XKR9: variants seen among roughly 807,000 people sequenced by gnomAD.
XKR9 encodes the protein XK-related protein 9.
XKR9 carries 32 observed loss-of-function variants against 32.0 expected under a neutral mutation model. That is an observed-to-expected ratio of 1.00 (90% confidence interval 0.76 to 1.34). The LOEUF (loss-of-function observed/expected upper bound fraction) is 1.34. XKR9 is among the 40% of genes most tolerant of loss of function. XKR9 has a pLI of 0.00. For synonymous variants in XKR9, 168 were observed against 143.4 expected (o/e 1.17, Z -1.22); for missense variants, 546 against 429.7 (o/e 1.27, Z -2.39).
chr8:70,777,461 G>C (rs1586894477), intron 2 of XKR9, among the ~76,000 whole-genome samples: 1 of 151,994 alleles, frequency 6.6e-6, no homozygotes. Flanking sequence ...TAATCCTTTG[G>C]GTATATACCC....
chr8:70,830,344 G>T, the XKR9 span, among the ~76,000 whole-genome samples: 1 of 151,906 alleles, frequency 6.6e-6, no homozygotes, highest in African/African-American at 2.4e-5. Flanking sequence ...ATTTTGAGAA[G>T]CCAAGGTGGG....
chr8:70,683,456 T>G (rs747970478), intron 3 of XKR9: 2 of 430,956 alleles, frequency 4.6e-6, no homozygotes, highest in Non-Finnish European at 9.1e-6. Context: ...TTTTTATTTC[T>G]TCTTGAATCT....
At chr8:71,065,438 T>A in the XKR9 span, among the ~76,000 whole-genome samples, 1 of 152,190 alleles carries the variant, frequency 6.6e-6, no homozygotes, top group Admixed American at 6.5e-5. Flanking sequence ...TGGACCGTGC[T>A]TACATCCTGA....
At chr8:70,999,833 G>A in the XKR9 span, among the ~76,000 whole-genome samples, 7 of 152,030 alleles carry the variant, frequency 4.6e-5, no homozygotes, top group South Asian at 1.0e-3. Context: ...AATAGCCACG[G>A]CATTTATTTA....
At chr8:70,778,752 C>G (rs969152231) in intron 2 of XKR9, among the ~76,000 whole-genome samples, 2 of 152,046 alleles carry the variant, frequency 1.3e-5, no homozygotes, top group African/African-American at 4.8e-5. Flanking sequence ...CTCTGTTTGT[C>G]TGTTATTGGT....
the XKR9 span, among the ~76,000 whole-genome samples, chr8:70,802,202 C>G: frequency 6.6e-6 from 1 of 152,192 alleles, no homozygotes; most frequent in African/African-American, 2.4e-5. Flanking sequence ...TCCCAAAGTG[C>G]TGGGATTACA....
chr8:70,754,813 G>A (rs1052183489), intron 2 of XKR9, among the ~76,000 whole-genome samples: 19 of 151,898 alleles, frequency 1.3e-4, no homozygotes, highest in Non-Finnish European at 2.2e-4. Flanking sequence ...AAAAACCCTA[G>A]AAGAAAACCT....
the XKR9 span, among the ~76,000 whole-genome samples, chr8:71,031,537 A>G: frequency 6.6e-6 from 1 of 152,196 alleles, no homozygotes; most frequent in Non-Finnish European, 1.5e-5. Flanking sequence ...TAAGACTGTT[A>G]TGAGAACTAA....
the XKR9 span, among the ~76,000 whole-genome samples, chr8:70,795,759 G>T: frequency 4.6e-5 from 7 of 151,740 alleles, no homozygotes; most frequent in African/African-American, 1.7e-4. Context: ...TTTTCATACG[G>T]TTTTTGGCTG....
the XKR9 span, among the ~76,000 whole-genome samples, chr8:71,048,292 C>T: frequency 6.6e-6 from 1 of 152,318 alleles, no homozygotes; most frequent in African/African-American, 2.4e-5. Flanking sequence ...AGCCGCTGGT[C>T]TCTCAGTCTG....
chr8:70,700,001 A>G (rs971118056), intron 3 of XKR9, among the ~76,000 whole-genome samples: 8 of 151,906 alleles, frequency 5.3e-5, no homozygotes, highest in Admixed American at 5.2e-4. Context: ...TGCATTCTTC[A>G]CGTAGTTCTC....
intron 4 of XKR9, among the ~76,000 whole-genome samples, chr8:70,726,756 G>T (rs1334566735): frequency 3.3e-5 from 5 of 152,202 alleles, no homozygotes; most frequent in African/African-American, 1.2e-4. Flanking sequence ...ACTTTCTGGA[G>T]GGCCAAAGAA....
At chr8:70,674,524 C>A (rs938356663) in intron 1 of XKR9, among the ~76,000 whole-genome samples, 1 of 152,172 alleles carries the variant, frequency 6.6e-6, no homozygotes, top group Non-Finnish European at 1.5e-5. Flanking sequence ...AATTTAAGAA[C>A]CTCCTTTTCA....
chr8:71,012,082 T>C, the XKR9 span, among the ~76,000 whole-genome samples: 1 of 152,214 alleles, frequency 6.6e-6, no homozygotes, highest in Non-Finnish European at 1.5e-5. Flanking sequence ...ATGAAGTGTT[T>C]ATTGTGCTAC....
the XKR9 span, among the ~76,000 whole-genome samples, chr8:70,994,906 T>C: frequency 6.6e-6 from 1 of 152,216 alleles, no homozygotes; most frequent in African/African-American, 2.4e-5. Flanking sequence ...TTTGTGTTTC[T>C]AGGGCAGCAA....
At chr8:70,902,884 A>G in the XKR9 span, among the ~76,000 whole-genome samples, 6 of 152,154 alleles carry the variant, frequency 3.9e-5, no homozygotes, top group Admixed American at 3.3e-4. Flanking sequence ...CTATTTCTGC[A>G]TCTATTGAGA....
At chr8:70,814,090 A>G in the XKR9 span, among the ~76,000 whole-genome samples, 1 of 152,210 alleles carries the variant, frequency 6.6e-6, no homozygotes, top group Non-Finnish European at 1.5e-5. Flanking sequence ...TGGCACATAT[A>G]CACCATGGAA....
At chr8:70,894,559 A>G in the XKR9 span, among the ~76,000 whole-genome samples, 1 of 152,142 alleles carries the variant, frequency 6.6e-6, no homozygotes, top group Admixed American at 6.5e-5. Flanking sequence ...GCTTCTGCTC[A>G]GGCCTTGTGG....
intron 2 of XKR9, among the ~76,000 whole-genome samples, chr8:70,742,830 T>C (rs1303634327): frequency 6.6e-6 from 1 of 152,146 alleles, no homozygotes; most frequent in African/African-American, 2.4e-5. Flanking sequence ...TCTTGAGATT[T>C]TTACCTTTAG....
Sources: gnomAD v4.1 joint callset for allele counts (sites outside exome capture counted in the v4.1 genomes callset) on GRCh38, gnomAD v4.1.1 for gene constraint, MANE v1.5 for transcripts, NCBI Gene and HGNC (gene_info 2026-07-23, HGNC 2026-07-21) for gene names.